ASCC3: variants seen among roughly 807,000 people sequenced by gnomAD.
ASCC3 encodes the protein activating signal cointegrator 1 complex subunit 3.
In ASCC3, 158 loss-of-function variants were observed where a neutral mutation model predicts 256.3. The ratio of observed to expected loss-of-function variants is 0.62; its 90% CI spans 0.54 to 0.70. The LOEUF (loss-of-function observed/expected upper bound fraction) is 0.70. Among genes scored for constraint, ASCC3 ranks in the 30% least tolerant of loss-of-function variants. The pLI, the probability that ASCC3 is intolerant of heterozygous loss-of-function variation, is 0.00. For synonymous variants in ASCC3, 948 were observed against 883.4 expected (o/e 1.07, Z -1.30); for missense variants, 2,259 against 2,626.0 (o/e 0.86, Z 3.05).
At chr6:100,565,844 T>C (rs745316622) in intron 36 of ASCC3, among the ~76,000 whole-genome samples, 8 of 152,174 alleles carry the variant, frequency 5.3e-5, no homozygotes, top group Non-Finnish European at 1.2e-4. Context: ...AATATACACA[T>C]TGACATTTAT....
intron 14 of ASCC3, among the ~76,000 whole-genome samples, chr6:100,664,005 T>C (rs1280066384): frequency 2.0e-5 from 3 of 152,162 alleles, no homozygotes; most frequent in Non-Finnish European, 2.9e-5. Flanking sequence ...AGATTTAGTA[T>C]ACTTATATGT....
At chr6:100,737,669 G>A (rs906394669) in intron 10 of ASCC3, among the ~76,000 whole-genome samples, 3 of 152,072 alleles carry the variant, frequency 2.0e-5, no homozygotes, top group African/African-American at 7.2e-5. Context: ...TTGCTATTGT[G>A]AACAGTGATA....
chr6:100,612,178 C>G (rs1019811428), intron 30 of ASCC3, among the ~76,000 whole-genome samples: 2 of 151,878 alleles, frequency 1.3e-5, no homozygotes, highest in Admixed American at 6.6e-5. Flanking sequence ...ACTCAAAAAG[C>G]TTTTGTAGAA....
intron 10 of ASCC3, among the ~76,000 whole-genome samples, chr6:100,765,593 T>C (rs1451350586): frequency 6.6e-6 from 1 of 152,146 alleles, no homozygotes; most frequent in Non-Finnish European, 1.5e-5. Context: ...CAAATGTATA[T>C]CTTACATGTA....
Position 100,509,342 on chromosome 6 carries a change from G to A in ASCC3, c.*44C>T. ...CGATTTGTCTAGATGACTGAACAGA[G>A]AGAATTCTTAGCCACTCCTTTCAAA... On this transcript the variant is annotated 3_prime_UTR_variant, in exon 42 of 42. Coordinates refer to ENST00000369162, the MANE Select transcript of ASCC3 (RefSeq NM_006828.4). 6.2e-7 allele frequency: 1 copy of A among 1,611,170 alleles called. No individual in the cohort carries two copies. Among genetic ancestry groups the A allele is most frequent in the Non-Finnish European group, 8.5e-7 (1 of 1,177,546 alleles).
chr6:100,585,344 T>G (rs1771590322), intron 36 of ASCC3, among the ~76,000 whole-genome samples: 1 of 152,222 alleles, frequency 6.6e-6, no homozygotes, highest in South Asian at 2.1e-4. Context: ...CTTCCATCGC[T>G]GATACCCTTT....
At chr6:100,557,981 T>C (rs1446113783) in intron 36 of ASCC3, among the ~76,000 whole-genome samples, 4 of 151,670 alleles carry the variant, frequency 2.6e-5, no homozygotes, top group African/African-American at 9.7e-5. Context: ...CTGAGTTCTG[T>C]CTGATTCCAA....
chr6:100,787,696 GT>G (rs762104434), intron 8 of ASCC3, among the ~76,000 whole-genome samples: 21 of 152,136 alleles, frequency 1.4e-4, no homozygotes, highest in African/African-American at 4.8e-4. Flanking sequence ...TTTAACAAAC[GT>G]TTAACAAACA....
In ASCC3 at chr6:100,831,584, G is replaced by A. The variant is rs80044269; in HGVS notation, c.801+16564C>T. Among the ~76,000 whole-genome samples the A allele has an allele frequency of 5.7e-3, 862 of 152,082 alleles. 11 individuals carry two copies. The highest frequency in any genetic ancestry group is 0.02 in the African/African-American group (825 of 41,496). ...CAGGGATTAGGCATGGAGCTTCTGC[G>A]TTCATGAAAAAAAAGTTGAACTACC... On this transcript the variant is annotated intron_variant, in intron 4 of 41. Coordinates refer to ENST00000369162, the MANE Select transcript of ASCC3 (RefSeq NM_006828.4).
intron 16 of ASCC3, among the ~76,000 whole-genome samples, chr6:100,660,917 A>G (rs1469134099): frequency 6.6e-6 from 1 of 151,672 alleles, no homozygotes; most frequent in Non-Finnish European, 1.5e-5. Flanking sequence ...TTCTTAATAG[A>G]GAAAATGAAA....
chr6:100,591,329 T>C (rs930030137), intron 34 of ASCC3, among the ~76,000 whole-genome samples: 1 of 152,028 alleles, frequency 6.6e-6, no homozygotes, highest in African/African-American at 2.4e-5. Context: ...TTCTGGACAT[T>C]CAAGCCATAT....
intron 4 of ASCC3, among the ~76,000 whole-genome samples, chr6:100,806,532 T>C (rs1196958252): frequency 6.6e-6 from 1 of 151,890 alleles, no homozygotes; most frequent in Non-Finnish European, 1.5e-5. Flanking sequence ...AATATAACTA[T>C]TCTAGGAAGT....
chr6:100,651,514 T>C (rs1309071461), intron 19 of ASCC3, 46 bp downstream of exon 19: 4 of 1,112,096 alleles, frequency 3.6e-6, no homozygotes, highest in Non-Finnish European at 5.3e-6. Flanking sequence ...AATGAATGAA[T>C]GCATACATGT....
rs761301801 is a variant in ASCC3, at chr6:100,801,197, C to A, written c.923-693G>T. Among the ~76,000 whole-genome samples, 131 of 152,154 alleles carry A rather than the reference C, an allele frequency of 8.6e-4. 1 individual carries two copies. Among genetic ancestry groups the A allele is most frequent in the Middle Eastern group, 3.4e-3 (1 of 294 alleles). ...AAAAATGTTCTTCCAACAGGATTAC[C>A]TTCTGTGTTTGTTTAAATCTTTACA... On this transcript the variant is annotated intron_variant, in intron 5 of 41. Transcript: ENST00000369162.
At chr6:100,764,426 T>A (rs892189194) in intron 10 of ASCC3, among the ~76,000 whole-genome samples, 2 of 152,308 alleles carry the variant, frequency 1.3e-5, no homozygotes, top group East Asian at 3.9e-4. Flanking sequence ...GAAAATATTA[T>A]TTGAGCAATG....
At chr6:100,742,102 G>C (rs1466060828) in intron 10 of ASCC3, among the ~76,000 whole-genome samples, 1 of 152,080 alleles carries the variant, frequency 6.6e-6, no homozygotes, top group Non-Finnish European at 1.5e-5. Flanking sequence ...TCTCTTAACA[G>C]TCAAGCCACT....
chr6:100,526,613 C>G (rs1774589204), intron 37 of ASCC3, among the ~76,000 whole-genome samples: 1 of 152,174 alleles, frequency 6.6e-6, no homozygotes. Context: ...TGCATCAACT[C>G]TGTATCACTT....
At position 100,858,204 on chromosome 6, in the gene ASCC3, T is replaced by C. The variant is rs185947519; in HGVS notation, c.241+5860A>G. 435 of 439,096 alleles carry C rather than the reference T, an allele frequency of 9.9e-4. No individual in the cohort carries two copies. Among genetic ancestry groups the C allele is most frequent in the Non-Finnish European group, 1.1e-3 (354 of 330,538 alleles). 27.2% of individuals were successfully genotyped at this position (439,096 alleles called of 1,614,324 possible). ...ATAAGTGTAATTTTTAATGTGCTTC[T>C]AGTAAGTAGAAATAAAATTGATTTT... On this transcript the variant is annotated intron_variant, in intron 3 of 41. Coordinates refer to ENST00000369162, the MANE Select transcript of ASCC3 (RefSeq NM_006828.4).
intron 10 of ASCC3, among the ~76,000 whole-genome samples, chr6:100,744,491 A>C (rs1780576370): frequency 6.6e-6 from 1 of 152,160 alleles, no homozygotes; most frequent in Non-Finnish European, 1.5e-5. Context: ...ATAACATCAA[A>C]ATTAACTTTT....
Sources: allele counts gnomAD v4.1 joint callset (sites outside exome capture counted in the v4.1 genomes callset), GRCh38; gene constraint gnomAD v4.1.1; transcripts MANE v1.5; gene names NCBI Gene and HGNC (gene_info 2026-07-23, HGNC 2026-07-21).